NRDC: variants seen among roughly 807,000 people sequenced by gnomAD.
The protein encoded by NRDC is nardilysin convertase.
In NRDC, 54 loss-of-function variants were observed where a neutral mutation model predicts 147.1. The ratio of observed to expected loss-of-function variants is 0.37; its 90% CI spans 0.29 to 0.46. NRDC has a LOEUF of 0.46. Ranked by LOEUF, NRDC falls within the 20% of genes least tolerant of loss-of-function variation. NRDC has a pLI of 1.00. For missense variants in NRDC, 1,082 were observed against 1,370.6 expected, an observed-to-expected ratio of 0.79 and a Z score of 3.33; for synonymous variants, 440 against 482.1, an observed-to-expected ratio of 0.91 and a Z score of 1.14.
At chr1:51,845,667 C>T (rs1012074031) in intron 1 of NRDC, among the ~76,000 whole-genome samples, 3 of 152,316 alleles carry the variant, frequency 2.0e-5, no homozygotes, top group Non-Finnish European at 4.4e-5. Context: ...CCTAAAATAG[C>T]TCTTTCGCCC....
intron 22 of NRDC, chr1:51,795,141 C>CA (rs1400998758): frequency 7.2e-7 from 1 of 1,390,526 alleles, no homozygotes; most frequent in Admixed American, 2.2e-5. Context: ...TTGGTTTACC[C>CA]AACTAGGCTG....
chr1:51,811,605 A>G (rs369545421), intron 15 of NRDC, among the ~76,000 whole-genome samples: 3 of 152,342 alleles, frequency 2.0e-5, no homozygotes, highest in African/African-American at 7.2e-5. Flanking sequence ...TTTTTAATAA[A>G]TATTTTCAAA....
At chr1:51,815,525 C>T (rs1003410932) in intron 11 of NRDC, among the ~76,000 whole-genome samples, 1 of 152,116 alleles carries the variant, frequency 6.6e-6, no homozygotes, top group Non-Finnish European at 1.5e-5. Flanking sequence ...GTCTGAAATT[C>T]TAATAAAGCT....
rs954135782 is a variant in NRDC, at chr1:51,835,677, G to T, written c.712+454C>A. On this transcript the variant is annotated intron_variant, in intron 3 of 30. Coordinates refer to ENST00000352171, the MANE Select transcript of NRDC (RefSeq NM_001101662.2). Reference sequence around the variant, plus strand: ...AGATGGGGTTTCACCATGTTGGCCAGGCTGGTCTCGAACTCCTGACTTCAA... The same window carrying T: ...AGATGGGGTTTCACCATGTTGGCCATGCTGGTCTCGAACTCCTGACTTCAA... 1.3e-5 allele frequency among the ~76,000 whole-genome samples: 2 copies of T among 151,974 alleles called. 1 individual carries two copies. The highest frequency in any genetic ancestry group is 4.8e-5 in the African/African-American group (2 of 41,370).
intron 1 of NRDC, among the ~76,000 whole-genome samples, chr1:51,846,851 T>C (rs1052843649): frequency 5.9e-5 from 9 of 152,222 alleles, no homozygotes; most frequent in African/African-American, 2.2e-4. Context: ...AGAGAGCTGA[T>C]TGGTCCATTT....
intron 1 of NRDC, among the ~76,000 whole-genome samples, chr1:51,855,702 T>A (rs1571910235): frequency 6.6e-6 from 1 of 152,066 alleles, no homozygotes; most frequent in South Asian, 2.1e-4. Context: ...AAACCCTGTC[T>A]CTACAAAAAA....
intron 24 of NRDC, among the ~76,000 whole-genome samples, chr1:51,793,778 T>A (rs1678759849): frequency 6.6e-6 from 1 of 152,142 alleles, no homozygotes; most frequent in South Asian, 2.1e-4. Context: ...CCCCAGAATT[T>A]GGGGAGTCAG....
At chr1:51,827,754 T>C (rs953711727) in intron 5 of NRDC, 42 bp downstream of exon 5, 1 of 1,497,224 alleles carries the variant, frequency 6.7e-7, no homozygotes, top group African/African-American at 1.4e-5. Context: ...ACTGGTTTCA[T>C]GAAGGAAAAA....
At chr1:51,876,320 T>C (rs1683324123) in intron 1 of NRDC, among the ~76,000 whole-genome samples, 1 of 152,224 alleles carries the variant, frequency 6.6e-6, no homozygotes, top group Admixed American at 6.5e-5. Context: ...TTTCAAATTT[T>C]GGATTTTTTT....
At position 51,840,477 on chromosome 1, in the gene NRDC, T is replaced by C. The variant is rs770600449; in HGVS notation, c.379A>G (p.Ile127Val). The change falls in exon 2 of 31, where the codon ATT (isoleucine) becomes GTT (valine). Residue 127 changes from isoleucine to valine, a missense_variant. Around this residue, in one of 3 missense-constraint regions of NRDC, gnomAD observed 260 missense variants for 253.2 expected, o/e 1.03. Coordinates refer to ENST00000352171, the MANE Select transcript of NRDC (RefSeq NM_001101662.2). ...KLQNGLQALL[I>V]SDLSNMEGKT... ...CCTTCCATATTACTTAGGTCTGAAA[T>C]CAGAAGTGCCTGCAAGCCATTCTGT... is the stretch of plus-strand genomic sequence containing the variant. 1 of 1,610,604 alleles carries C rather than the reference T, an allele frequency of 6.2e-7. No homozygotes were observed. Among genetic ancestry groups the C allele is most frequent in the Non-Finnish European group, 8.5e-7 (1 of 1,178,872 alleles).
intron 22 of NRDC, chr1:51,798,003 T>G (rs1259515049): frequency 4.6e-6 from 2 of 432,872 alleles, no homozygotes; most frequent in African/African-American, 4.0e-5. Flanking sequence ...ATCCTGACCT[T>G]AAGTAATGCT....
chr1:51,828,312 G>A (rs1290715138), intron 4 of NRDC, among the ~76,000 whole-genome samples: 1 of 152,098 alleles, frequency 6.6e-6, no homozygotes, highest in Non-Finnish European at 1.5e-5. Context: ...ACCCTTAGGA[G>A]CCTTTTCGGA....
chr1:51,823,779 A>G lies in NRDC; in HGVS notation c.1044T>C (p.Ala348=). The G allele has an allele frequency of 1.3e-6, 2 of 1,592,046 alleles. No homozygotes were observed. The highest frequency in any genetic ancestry group is 1.2e-5 in the South Asian group (1 of 86,786). The change falls in exon 7 of 31, where the codon GCT becomes GCC. Residue 348 remains alanine (A), a synonymous_variant. Transcript: ENST00000352171. The part of the protein sequence containing the change: ...HPMGKFFWGN[A]ETLKHEPRKN... ...TTCTTGGCTCATGCTTGAGCGTCTCAGCATTTCCTATAAAAGAATGAAAAA... is the reference window on the plus strand; with the variant it reads ...TTCTTGGCTCATGCTTGAGCGTCTCGGCATTTCCTATAAAAGAATGAAAAA...
chr1:51,864,219 A>C (rs1264814771), intron 1 of NRDC, among the ~76,000 whole-genome samples: 1 of 152,234 alleles, frequency 6.6e-6, no homozygotes, highest in Non-Finnish European at 1.5e-5. Flanking sequence ...GACTGCTATT[A>C]GTATTTCAAT....
At chr1:51,792,589 C>A (rs1341852472) in intron 24 of NRDC, among the ~76,000 whole-genome samples, 165 bp from the exon 25 acceptor site, 1 of 152,210 alleles carries the variant, frequency 6.6e-6, no homozygotes, top group Non-Finnish European at 1.5e-5. Flanking sequence ...TCCCACCAGA[C>A]TGAAGGTCTA....
intron 1 of NRDC, among the ~76,000 whole-genome samples, chr1:51,870,877 A>T (rs1236084076): frequency 6.6e-6 from 1 of 151,720 alleles, no homozygotes; most frequent in Non-Finnish European, 1.5e-5. Flanking sequence ...TTCTCTACTG[A>T]TTCTTTTTTT....
intron 22 of NRDC, chr1:51,795,406 C>G (rs557640656): frequency 4.0e-5 from 10 of 251,070 alleles, no homozygotes; most frequent in African/African-American, 1.8e-4. Context: ...CAACGGTGCT[C>G]GGAAAAACAG....
chr1:51,845,240 C>T (rs1338686080), intron 1 of NRDC, among the ~76,000 whole-genome samples: 1 of 152,172 alleles, frequency 6.6e-6, no homozygotes, highest in African/African-American at 2.4e-5. Flanking sequence ...CCTTAGGGGC[C>T]CTTGACCCAG....
intron 11 of NRDC, chr1:51,815,783 T>C (rs1201062778): frequency 1.3e-5 from 2 of 152,236 alleles, no homozygotes; most frequent in Non-Finnish European, 2.9e-5. Context: ...TAGTCTTGAT[T>C]CTAAAATTGT....
Sources: gnomAD v4.1 joint callset for allele counts (sites outside exome capture counted in the v4.1 genomes callset) on GRCh38, gnomAD v4.1.1 for gene constraint, gnomAD v4.1.1 regional missense constraint, MANE v1.5 for transcripts, NCBI Gene and HGNC (gene_info 2026-07-23, HGNC 2026-07-21) for gene names.